The following MIA3 variants were observed in gnomAD, a reference collection of about 807,000 sequenced individuals.
MIA3 encodes MIA SH3 domain ER export factor 3.
In MIA3, 90 loss-of-function variants were observed where a neutral mutation model predicts 192.4. The observed-to-expected ratio is 0.47, with a 90% CI of 0.39 to 0.56. The LOEUF (loss-of-function observed/expected upper bound fraction) is 0.56, where lower values mean the gene tolerates loss of function less well. Ranked by LOEUF, MIA3 falls within the 20% of genes least tolerant of loss-of-function variation. MIA3 has a pLI of 0.00. For missense variants in MIA3, 2,123 were observed against 2,269.4 expected (o/e 0.94, Z 1.31); for synonymous variants, 740 against 792.8 (o/e 0.93, Z 1.12).
Position 222,653,342 on chromosome 1 carries a change from AAGATC to A in MIA3, c.4321+6_4321+10del. 2.5e-6 allele frequency: 4 copies of A among 1,604,310 alleles called. No homozygotes were observed. Among genetic ancestry groups the A allele is most frequent in the Non-Finnish European group, 2.6e-6 (3 of 1,171,524 alleles). The stretch of plus-strand genomic sequence containing the variant: ...ATTAGCAAATGGAGAAGTGGGAGGT[AAGATC>A]AGCCTCAAGGAGGATGGACCCCTTT... On this transcript the variant is annotated splice_donor_5th_base_variant and intron_variant, in intron 15 of 27. Transcript: ENST00000344922.
In MIA3 at chr1:222,628,640, T is replaced by A; in HGVS notation, c.1420T>A (p.Ser474Thr). 6.2e-7 allele frequency: 1 copy of A among 1,613,864 alleles called. No homozygotes were observed. Among genetic ancestry groups the A allele is most frequent in the Non-Finnish European group, 8.5e-7 (1 of 1,179,964 alleles). ...AGGAAAAGGGAGGGGAGTTCAGGAA[T>A]CCAAGAGGGGCCTGGTACAAGATAA... ...IKGKGRGVQE[S>T]KRGLVQDKTE... The change falls in exon 4 of 28, where the codon TCC (serine) becomes ACC (threonine). Residue 474 changes from serine to threonine, a missense_variant. Physicochemically the swap from Ser to Thr is moderately conservative, Grantham distance 58. This residue lies in a region of MIA3 where 1,357 missense variants were observed against 1,396.1 expected (regional missense o/e 0.97). Transcript: ENST00000344922.
intron 19 of MIA3, 146 bp downstream of exon 19, chr1:222,658,969 G>A: frequency 1.8e-6 from 1 of 565,168 alleles, no homozygotes; most frequent in Non-Finnish European, 3.2e-6. Flanking sequence ...GTTAACAAAT[G>A]GAAAAATATT....
In MIA3 at chr1:222,641,596, T is replaced by C. The variant is rs565401093; in HGVS notation, c.3478-3958T>C. ...GGCATCCTCGGCTATCTTATCTACA[T>C]AGTACCCAGTTCCTACATCAATGAG... On this transcript the variant is annotated intron_variant, in intron 6 of 27. Transcript: ENST00000344922. The C allele has an allele frequency of 2.9e-5, 15 of 525,018 alleles. No individual in the cohort carries two copies. In the African/African-American group the frequency reaches 2.9e-4, roughly 10 times the overall value. 32.5% of individuals were successfully genotyped at this position (525,018 alleles called of 1,614,324 possible). A position where few individuals can be genotyped will look rare whatever the true frequency, so the allele number is the denominator to read the frequency against.
chr1:222,651,814 T>C (rs1290447684), intron 11 of MIA3, among the ~76,000 whole-genome samples, 163 bp from the exon 12 acceptor site: 1 of 152,198 alleles, frequency 6.6e-6, no homozygotes, highest in Admixed American at 6.5e-5. Context: ...CCTCTTTAAG[T>C]TCTTGATTTT....
At chr1:222,659,110 A>G in intron 19 of MIA3, 1 of 422,376 alleles carries the variant, frequency 2.4e-6, no homozygotes. Flanking sequence ...GCCATTTGAT[A>G]GACCCAGTAG....
intron 1 of MIA3, 84 bp from the exon 2 acceptor site, chr1:222,621,075 C>A: frequency 8.3e-7 from 1 of 1,200,624 alleles, no homozygotes; most frequent in Non-Finnish European, 1.1e-6. Flanking sequence ...TAGTGGGATT[C>A]TTATATTTCC....
At chr1:222,643,345 T>G (rs995950227) in intron 6 of MIA3, among the ~76,000 whole-genome samples, 1 of 152,148 alleles carries the variant, frequency 6.6e-6, no homozygotes, top group African/African-American at 2.4e-5. Context: ...TGGGTCTATT[T>G]CTGGATTTTT....
intron 6 of MIA3, chr1:222,641,671 A>C (rs1451718675): frequency 3.7e-6 from 2 of 542,566 alleles, no homozygotes; most frequent in Non-Finnish European, 7.4e-6. Flanking sequence ...TAAACTCGTC[A>C]GTGGGAGGAG....
chr1:222,665,532 A>G lies in MIA3; in HGVS notation c.5637A>G (p.Leu1879=). The G allele has an allele frequency of 6.2e-7, 1 of 1,614,114 alleles. No individual in the cohort carries two copies. The highest frequency in any genetic ancestry group is 8.5e-7 in the Non-Finnish European group (1 of 1,179,988). Reference sequence around the variant, plus strand: ...CACCACCACCTGCTGTAAGAGACTTACTGCCGTCAGGCTCTAGAGATGAGC... The same window carrying G: ...CACCACCACCTGCTGTAAGAGACTTGCTGCCGTCAGGCTCTAGAGATGAGC... ...EYPPPPAVRD[L]LPSGSRDEPP... The change falls in exon 28 of 28, where the codon TTA becomes TTG. Residue 1879 remains leucine (L), a synonymous_variant. Coordinates refer to ENST00000344922, the MANE Select transcript of MIA3 (RefSeq NM_198551.4).
chr1:222,661,949 C>A, intron 24 of MIA3, 107 bp from the exon 25 acceptor site: 2 of 775,912 alleles, frequency 2.6e-6, no homozygotes, highest in South Asian at 1.8e-5. Context: ...TATTGGGAGA[C>A]CCATTTTTAA....
chr1:222,623,623 C>T (rs546389481), intron 2 of MIA3, among the ~76,000 whole-genome samples: 46 of 152,268 alleles, frequency 3.0e-4, no homozygotes, highest in Non-Finnish European at 5.3e-4. Flanking sequence ...TATTTTACTA[C>T]TAATACTGGC....
rs1483919627 is a variant in MIA3, at chr1:222,632,312, A to G, written c.3317A>G (p.Lys1106Arg). The part of the protein sequence containing the change: ...SEVSQKPNTE[K>R]DLDPGPVTTE... Reference sequence around the variant, plus strand: ...GTGTCACAGAAGCCAAATACTGAGAAAGACCTGGACCCAGGTAAAGCCTGC... The same window carrying G: ...GTGTCACAGAAGCCAAATACTGAGAGAGACCTGGACCCAGGTAAAGCCTGC... The change falls in exon 5 of 28, where the codon AAA becomes AGA. Residue 1106 changes from lysine (K) to arginine (R), a missense_variant. Physicochemically the swap from Lys to Arg is conservative, Grantham distance 26 (BLOSUM62 2). This residue lies in a region of MIA3 where 1,357 missense variants were observed against 1,396.1 expected (regional missense o/e 0.97). Transcript: ENST00000344922. 4.3e-6 allele frequency: 7 copies of G among 1,613,764 alleles called. No individual in the cohort carries two copies.
chr1:222,662,680 G>A (rs147005916), intron 26 of MIA3, among the ~76,000 whole-genome samples: 1 of 152,326 alleles, frequency 6.6e-6, no homozygotes, highest in Non-Finnish European at 1.5e-5. Flanking sequence ...TTTAACCTGT[G>A]TAGAGCATCT....
intron 1 of MIA3, among the ~76,000 whole-genome samples, chr1:222,619,356 G>A (rs1016438470): frequency 3.9e-5 from 6 of 152,086 alleles, no homozygotes; most frequent in African/African-American, 1.4e-4. Flanking sequence ...CTATAGAAAC[G>A]TATTCATTTT....
rs749288240 is a variant in MIA3 at position 222,628,122 on chromosome 1, ATGATTT to A, written c.907_912del (p.Phe303_Asp304del). The A allele has an allele frequency of 1.2e-6, 2 of 1,613,978 alleles. No individual in the cohort carries two copies. Among genetic ancestry groups the A allele is most frequent in the Non-Finnish European group, 8.5e-7 (1 of 1,180,026 alleles). ...ACCAGACTCGTTACTTCATTAGAAG[ATGATTT>A]TGATGAGGAATTGGATACTGAGTAT... On this transcript the variant is annotated inframe_deletion, in exon 4 of 28. Coordinates refer to ENST00000344922, the MANE Select transcript of MIA3 (RefSeq NM_198551.4).
In MIA3 at chr1:222,627,974, T is replaced by A. The variant is rs1188662545; in HGVS notation, c.754T>A (p.Ser252Thr). The change falls in exon 4 of 28, where the codon TCT becomes ACT. Residue 252 changes from serine (S) to threonine (T), a missense_variant. Ser to Thr is a moderately conservative substitution (Grantham distance 58, BLOSUM62 1). Around this residue, in one of 3 missense-constraint regions of MIA3, gnomAD observed 1,357 missense variants for 1,396.1 expected, o/e 0.97. Transcript: ENST00000344922. ...ESENNKTSNS[S>T]QVSNEQDKID... Reference sequence around the variant, plus strand: ...TGAAAACAACAAAACCAGCAATAGTTCTCAGGTCTCAAATGAACAGGATAA... The same window carrying A: ...TGAAAACAACAAAACCAGCAATAGTACTCAGGTCTCAAATGAACAGGATAA... 1.2e-6 allele frequency: 2 copies of A among 1,614,056 alleles called. No homozygotes were observed. Among genetic ancestry groups the A allele is most frequent in the East Asian group, 2.2e-5 (1 of 44,878 alleles).
chr1:222,664,935 A>G (rs765537515), intron 27 of MIA3: 1 of 469,688 alleles, frequency 2.1e-6, no homozygotes. Context: ...CCAGCACTTT[A>G]TGAATCCCAG....
Position 222,629,714 on chromosome 1 carries a change from G to C in MIA3, c.2494G>C (p.Asp832His), listed in dbSNP as rs761962316. ...ACCATTTGAACGAAGTGACTTTTCT[G>C]ACAGCATAAAAATTCAGACTCCAGA... ...QRPFERSDFS[D>H]SIKIQTPELG... Residue 832 changes from aspartate to histidine, a missense_variant, in exon 4 of 28, where the codon GAC (aspartate) becomes CAC (histidine). Coordinates refer to ENST00000344922, the MANE Select transcript of MIA3 (RefSeq NM_198551.4). 2 of 1,614,156 alleles carry C rather than the reference G, an allele frequency of 1.2e-6. No individual in the cohort carries two copies. The highest frequency in any genetic ancestry group is 3.3e-5 in the Admixed American group (2 of 60,016).
chr1:222,631,064 C>G (rs1030700957), intron 4 of MIA3, among the ~76,000 whole-genome samples: 1 of 151,882 alleles, frequency 6.6e-6, no homozygotes, highest in Non-Finnish European at 1.5e-5. Flanking sequence ...CTTTTCTTTT[C>G]TTTTCTTTCC....
Sources: allele counts gnomAD v4.1 joint callset (sites outside exome capture counted in the v4.1 genomes callset), GRCh38; gene constraint gnomAD v4.1.1; regional missense constraint gnomAD v4.1.1; transcripts MANE v1.5; gene names NCBI Gene and HGNC (gene_info 2026-07-23, HGNC 2026-07-21).